Variants in NLRP5 observed in about 807,000 individuals in gnomAD.
The protein encoded by NLRP5 is NACHT, LRR and PYD domains-containing protein 5.
NLRP5 carries 93 observed loss-of-function variants against 113.1 expected under a neutral mutation model. The ratio of observed to expected loss-of-function variants is 0.82; its 90% confidence interval spans 0.70 to 0.98. The LOEUF is 0.98. Among genes scored for constraint, NLRP5 ranks in the 50% least tolerant of loss-of-function variants. The pLI, the probability that NLRP5 is intolerant of heterozygous loss-of-function variation, is 0.00. For missense variants in NLRP5, 1,808 were observed against 1,514.3 expected (o/e 1.19, Z -3.22); for synonymous variants, 751 against 600.7 (o/e 1.25, Z -3.66).
intron 5 of NLRP5, among the ~76,000 whole-genome samples, chr19:56,020,080 C>T (rs1167499254): frequency 6.6e-6 from 1 of 151,878 alleles, no homozygotes; most frequent in Admixed American, 6.6e-5. Flanking sequence ...CGGCTGCCCA[C>T]CTCGGCCTCC....
chr19:56,009,888 CAG>C (rs1982115145), intron 3 of NLRP5, among the ~76,000 whole-genome samples: 1 of 152,086 alleles, frequency 6.6e-6, no homozygotes, highest in Non-Finnish European at 1.5e-5. Flanking sequence ...GCATCTGAAT[CAG>C]AGGCTCTGAA....
intron 6 of NLRP5, among the ~76,000 whole-genome samples, chr19:56,025,667 C>T (rs941314060): frequency 1.3e-5 from 2 of 152,016 alleles, no homozygotes; most frequent in Admixed American, 1.3e-4. Flanking sequence ...GCCTCAGCCT[C>T]CCAAAGTGCT....
intron 14 of NLRP5, among the ~76,000 whole-genome samples, chr19:56,060,836 G>A (rs560275770): frequency 6.6e-5 from 10 of 150,872 alleles, no homozygotes; most frequent in South Asian, 2.1e-4. Context: ...GAGATTTGTC[G>A]GGGGAAAAAA....
At chr19:55,996,074 T>TGTTC (rs1297823689), upstream of NLRP5, among the ~76,000 whole-genome samples, 3 of 152,312 alleles carry the variant, frequency 2.0e-5, no homozygotes, top group African/African-American at 7.2e-5. Context: ...AATGAAAGAT[T>TGTTC]ATATTGCCTG....
At chr19:56,014,434 C>T (rs982902793) in intron 3 of NLRP5, among the ~76,000 whole-genome samples, 3 of 149,288 alleles carry the variant, frequency 2.0e-5, no homozygotes, top group South Asian at 2.1e-4. Context: ...GAACCAAGAT[C>T]GTGCCATTGC....
At chr19:56,017,869 G>A (rs767446078) in intron 4 of NLRP5, among the ~76,000 whole-genome samples, 11 of 152,226 alleles carry the variant, frequency 7.2e-5, no homozygotes, top group Middle Eastern at 3.4e-3. Flanking sequence ...GATGGAGTGC[G>A]GTCGCGCAAT....
At position 56,019,801 on chromosome 19, in the gene NLRP5, G is replaced by C. The variant is rs199475769; in HGVS notation, c.622+403G>C. Among the ~76,000 whole-genome samples, 388 of 151,508 alleles carry C rather than the reference G, an allele frequency of 2.6e-3. 1 individual carries two copies. The highest frequency in any genetic ancestry group is 7.9e-3 in the African/African-American group (326 of 41,056). ...TACCTGCCATTGAAGAATTGTGCTG[G>C]AATTACAGTGGTAAGAAAAACATGT... On this transcript the variant is annotated intron_variant, in intron 5 of 14. Coordinates refer to ENST00000390649, the MANE Select transcript of NLRP5 (RefSeq NM_153447.4).
intron 4 of NLRP5, among the ~76,000 whole-genome samples, chr19:56,017,610 A>G (rs1982457787): frequency 6.6e-6 from 1 of 152,144 alleles, no homozygotes; most frequent in African/African-American, 2.4e-5. Flanking sequence ...TCATTGTGTT[A>G]AGAGAGCATA....
At chr19:55,995,412 GAA>G (rs1981293583), upstream of NLRP5, among the ~76,000 whole-genome samples, 1 of 152,050 alleles carries the variant, frequency 6.6e-6, no homozygotes, top group African/African-American at 2.4e-5. Flanking sequence ...CATTAAAAAA[GAA>G]AGAGTTGGCT....
chr19:56,021,863 G>A (rs1982628742), intron 6 of NLRP5, among the ~76,000 whole-genome samples: 1 of 152,056 alleles, frequency 6.6e-6, no homozygotes, highest in South Asian at 2.1e-4. Flanking sequence ...TTGGTGATTG[G>A]CAGAGTTCTG....
At chr19:56,008,684 T>C in intron 2 of NLRP5, 104 bp from the exon 3 acceptor site, 2 of 985,606 alleles carry the variant, frequency 2.0e-6, no homozygotes, top group Admixed American at 2.0e-5. Flanking sequence ...CTGAGGTTTG[T>C]CTTGGTTCCC....
the NLRP5 span, among the ~76,000 whole-genome samples, chr19:55,990,023 A>G: frequency 2.4e-5 from 3 of 122,662 alleles, no homozygotes; most frequent in Non-Finnish European, 5.3e-5. Flanking sequence ...CTTATCAGTA[A>G]TAACTTTTTT....
At chr19:56,048,576 G>A (rs1158465305) in intron 11 of NLRP5, among the ~76,000 whole-genome samples, 2 of 151,972 alleles carry the variant, frequency 1.3e-5, no homozygotes, top group East Asian at 1.9e-4. Flanking sequence ...CAGGGTTTCT[G>A]TTGAGAAATC....
chr19:56,039,924 C>CA (rs1983457158), intron 10 of NLRP5, among the ~76,000 whole-genome samples: 1 of 151,700 alleles, frequency 6.6e-6, no homozygotes, highest in Admixed American at 6.6e-5. Context: ...CAAAAGCAGA[C>CA]AGAGTATCTA....
In NLRP5 at chr19:56,010,684, T is replaced by C. The variant is rs145485364; in HGVS notation, c.508+1831T>C. ...AGGAGAATCACTTGAACCCAGGAGG[T>C]AGAGGTTGTGGTGAGCCACTGCACT... On this transcript the variant is annotated intron_variant, in intron 3 of 14. Coordinates refer to ENST00000390649, the MANE Select transcript of NLRP5 (RefSeq NM_153447.4). 5.0e-3 allele frequency among the ~76,000 whole-genome samples: 666 copies of C among 133,040 alleles called. 6 individuals carry two copies. Among genetic ancestry groups the C allele is most frequent in the African/African-American group, 0.016 (567 of 34,538 alleles). The allele number at this position is 133,040 out of a possible 152,430, so 87.3% of individuals were successfully genotyped here.
chr19:56,028,477 G>A lies in NLRP5; in HGVS notation c.2244G>A (p.Glu748=). ...TCAAAGGGATCTTCCCAAGAGATGAGTCCGCTGAGGCATGTCCTGTGGTCC... is the reference window on the plus strand; with the variant it reads ...TCAAAGGGATCTTCCCAAGAGATGAATCCGCTGAGGCATGTCCTGTGGTCC... The change falls in exon 7 of 15, where the codon GAG becomes GAA. Residue 748 remains glutamate (E), a synonymous_variant. Transcript: ENST00000390649. The A allele has an allele frequency of 1.2e-6, 2 of 1,613,750 alleles. No individual in the cohort carries two copies. The highest frequency in any genetic ancestry group is 1.7e-6 in the Non-Finnish European group (2 of 1,179,898).
intron 7 of NLRP5, among the ~76,000 whole-genome samples, chr19:56,030,983 A>G (rs903260252): frequency 2.0e-5 from 3 of 151,684 alleles, no homozygotes; most frequent in East Asian, 2.0e-4. Context: ...AAGTGCCGGG[A>G]TGACAGGCGT....
chr19:55,993,688 A>G, the NLRP5 span, among the ~76,000 whole-genome samples: 1 of 140,406 alleles, frequency 7.1e-6, no homozygotes. Context: ...CATTTGCTCA[A>G]TTTAACTCCC....
At chr19:55,987,085 A>AG in the NLRP5 span, among the ~76,000 whole-genome samples, 3 of 152,202 alleles carry the variant, frequency 2.0e-5, no homozygotes, top group African/African-American at 7.2e-5. Context: ...TACTGTACAG[A>AG]GGGCTGGGTG....
Sources: allele counts gnomAD v4.1 joint callset (sites outside exome capture counted in the v4.1 genomes callset), GRCh38; gene constraint gnomAD v4.1.1; transcripts MANE v1.5; gene names NCBI Gene and HGNC (gene_info 2026-07-23, HGNC 2026-07-21).